The following RNF214 variants were observed in gnomAD, a reference collection of about 807,000 sequenced individuals.
RNF214 encodes ring finger protein 214.
A neutral mutation model predicts 75.9 loss-of-function variants in RNF214; 25 were observed. That is an observed-to-expected ratio of 0.33 (90% confidence interval 0.24 to 0.46). RNF214 has a LOEUF of 0.46. Ranked by LOEUF, RNF214 falls within the 20% of genes least tolerant of loss-of-function variation. The pLI is 1.00. For missense variants in RNF214, 725 were observed against 857.5 expected (o/e 0.85, Z 1.93); for synonymous variants, 314 against 308.8 (o/e 1.02, Z -0.18).
Position 117,240,933 on chromosome 11 carries a change from C to T in RNF214, c.678+1073C>T, listed in dbSNP as rs373919257. On this transcript the variant is annotated intron_variant, in intron 4 of 14. Coordinates refer to ENST00000300650, the MANE Select transcript of RNF214 (RefSeq NM_207343.4). Reference sequence around the variant, plus strand: ...GTGGCTCACGTCTGTAATCCTAGCGCTTTGGGAGGCTGAGGCAGGCAGATT... The same window carrying T: ...GTGGCTCACGTCTGTAATCCTAGCGTTTTGGGAGGCTGAGGCAGGCAGATT... Among the ~76,000 whole-genome samples the T allele has an allele frequency of 2.6e-5, 4 of 151,914 alleles. No individual in the cohort carries two copies. The East Asian group carries it at 7.8e-4, about 30-fold the overall frequency.
At chr11:117,261,150 A>G (rs997924524) in intron 6 of RNF214, among the ~76,000 whole-genome samples, 3 of 152,152 alleles carry the variant, frequency 2.0e-5, no homozygotes, top group African/African-American at 7.2e-5. Flanking sequence ...ATATTTTACC[A>G]TTAAGTTTGA....
At chr11:117,239,152 G>C (rs1255844371) in intron 3 of RNF214, 41 bp downstream of exon 3, 1 of 1,542,472 alleles carries the variant, frequency 6.5e-7, no homozygotes. Flanking sequence ...TAATTGGGGG[G>C]TGGTGGGGTT....
chr11:117,233,220 C>T (rs529491386), intron 1 of RNF214, among the ~76,000 whole-genome samples: 1 of 152,306 alleles, frequency 6.6e-6, no homozygotes, highest in South Asian at 2.1e-4. Flanking sequence ...TTTCGTTCAC[C>T]GGGCGCAGAG....
chr11:117,282,863 T>G lies in RNF214; in HGVS notation c.1950+13T>G. ...AAGGTCTTCACATGTAAGACTCTTT[T>G]TCTTTGAACACTGTGATATGGAGAA... On this transcript the variant is annotated intron_variant, in intron 13 of 14. Transcript: ENST00000300650. 6.3e-7 allele frequency: 1 copy of G among 1,581,218 alleles called. No individual in the cohort carries two copies. The highest frequency in any genetic ancestry group is 1.1e-5 in the South Asian group (1 of 90,376).
chr11:117,282,908 TG>T, intron 13 of RNF214, 58 bp downstream of exon 13: 1 of 1,378,598 alleles, frequency 7.3e-7, no homozygotes, highest in Non-Finnish European at 1.0e-6. Context: ...GAGGAAGGAG[TG>T]GGTTTACAGG....
intron 6 of RNF214, among the ~76,000 whole-genome samples, chr11:117,267,728 GA>G (rs112541722): frequency 1.8e-3 from 255 of 143,514 alleles, no homozygotes; most frequent in African/African-American, 4.6e-3. Context: ...GATCATGTCT[GA>G]AAAAAAAAAA....
At chr11:117,244,349 G>T in intron 4 of RNF214, 96 bp from the exon 5 acceptor site, 2 of 909,904 alleles carry the variant, frequency 2.2e-6, no homozygotes, top group Non-Finnish European at 3.4e-6. Flanking sequence ...TGGATAGTGC[G>T]GTCATAGAGC....
Position 117,280,009 on chromosome 11 carries a change from G to GA in RNF214, c.1056+7dup. ...GAACGGGCCTGGAAGGCAGAGGTGAGAAGAGGAGCTGATATCTTGAAAGTC... is the reference window on the plus strand; with the variant it reads ...GAACGGGCCTGGAAGGCAGAGGTGAGAAAGAGGAGCTGATATCTTGAAAGTC... On this transcript the variant is annotated splice_donor_region_variant and intron_variant, in intron 7 of 14. Transcript: ENST00000300650. 1 of 1,604,100 alleles carries GA rather than the reference G, an allele frequency of 6.2e-7. No individual in the cohort carries two copies. Among genetic ancestry groups the GA allele is most frequent in the Non-Finnish European group, 8.5e-7 (1 of 1,173,112 alleles).
intron 6 of RNF214, among the ~76,000 whole-genome samples, chr11:117,277,969 C>T (rs1439226808): frequency 6.8e-6 from 1 of 147,868 alleles, no homozygotes; most frequent in Non-Finnish European, 1.5e-5. Context: ...TAGAGACTCC[C>T]TCTCAAAAAA....
chr11:117,263,618 T>G (rs1420693402), intron 6 of RNF214, among the ~76,000 whole-genome samples: 1 of 151,956 alleles, frequency 6.6e-6, no homozygotes, highest in Non-Finnish European at 1.5e-5. Flanking sequence ...TACGTAGGAG[T>G]CCCACAAAAA....
chr11:117,243,147 A>ATTT (rs1555052422), intron 4 of RNF214, among the ~76,000 whole-genome samples: 47,099 of 150,212 alleles, frequency 0.31, 7,642 homozygotes, highest in South Asian at 0.4. Flanking sequence ...TTAATTAATT[A>ATTT]ATTTATTTAT....
Position 117,246,948 on chromosome 11 carries a change from G to A in RNF214, c.959G>A (p.Arg320Lys). ...GAGAAGCTTTGTGAGAAGGGCAGAA[G>A]GTAACTGATGTTAAGAATAAAAACC... ...EIEKLCEKGR[R>K]EVWEMELDRL... Residue 320 changes from arginine (R) to lysine (K), a missense_variant and splice_region_variant, in exon 6 of 15, where the codon AGA becomes AAA. Around this residue, in one of 2 missense-constraint regions of RNF214, gnomAD observed 363 missense variants for 513.0 expected, o/e 0.71. Coordinates refer to ENST00000300650, the MANE Select transcript of RNF214 (RefSeq NM_207343.4). 6.2e-7 allele frequency: 1 copy of A among 1,603,296 alleles called. No individual in the cohort carries two copies. The highest frequency in any genetic ancestry group is 8.5e-7 in the Non-Finnish European group (1 of 1,175,804).
At chr11:117,266,265 ATG>A (rs1337006832) in intron 6 of RNF214, among the ~76,000 whole-genome samples, 1 of 152,042 alleles carries the variant, frequency 6.6e-6, no homozygotes, top group Non-Finnish European at 1.5e-5. Context: ...ATTTGCCCAC[ATG>A]CTGTTTTCTT....
intron 6 of RNF214, among the ~76,000 whole-genome samples, chr11:117,257,799 G>A (rs1009234035): frequency 6.6e-6 from 1 of 152,076 alleles, no homozygotes; most frequent in Non-Finnish European, 1.5e-5. Flanking sequence ...GAATCTGCAG[G>A]GAAATAAATG....
chr11:117,250,424 A>G (rs2033340256), intron 6 of RNF214, among the ~76,000 whole-genome samples: 1 of 152,192 alleles, frequency 6.6e-6, no homozygotes, highest in Admixed American at 6.5e-5. Context: ...AATTAAAAAA[A>G]TATTTTACAT....
chr11:117,249,126 C>T (rs1029445981), intron 6 of RNF214, among the ~76,000 whole-genome samples: 14 of 152,080 alleles, frequency 9.2e-5, no homozygotes, highest in East Asian at 1.9e-4. Flanking sequence ...GAATCTCACT[C>T]GTTGACCAGG....
intron 6 of RNF214, among the ~76,000 whole-genome samples, chr11:117,271,562 C>T (rs888259994): frequency 1.3e-5 from 2 of 152,154 alleles, no homozygotes; most frequent in African/African-American, 2.4e-5. Flanking sequence ...TAAATCTGTC[C>T]CTGGTACTCC....
intron 6 of RNF214, among the ~76,000 whole-genome samples, chr11:117,248,497 A>G (rs2033288002): frequency 6.6e-6 from 1 of 152,214 alleles, no homozygotes; most frequent in Non-Finnish European, 1.5e-5. Flanking sequence ...GGCTTTTGCT[A>G]ATGCGTCAGA....
At chr11:117,279,827 T>G in intron 6 of RNF214, 81 bp from the exon 7 acceptor site, 1 of 989,806 alleles carries the variant, frequency 1.0e-6, no homozygotes, top group Admixed American at 2.6e-5. Context: ...CTGACCAATT[T>G]TGGGTTGTAC....
Sources: allele counts gnomAD v4.1 joint callset (sites outside exome capture counted in the v4.1 genomes callset), GRCh38; gene constraint gnomAD v4.1.1; regional missense constraint gnomAD v4.1.1; transcripts MANE v1.5; gene names NCBI Gene and HGNC (gene_info 2026-07-23, HGNC 2026-07-21).